The following TXNDC9 variants were observed in gnomAD, a reference collection of about 807,000 sequenced individuals.
TXNDC9 encodes the protein thioredoxin domain containing 9.
A neutral mutation model predicts 23.0 loss-of-function variants in TXNDC9; 7 were observed. The observed-to-expected ratio is 0.30, with a 90% CI of 0.17 to 0.57. The LOEUF is 0.57. Among genes scored for constraint, TXNDC9 ranks in the 20% least tolerant of loss-of-function variants. TXNDC9 has a pLI of 0.90. For synonymous variants in TXNDC9, 72 were observed against 90.6 expected (o/e 0.79, Z 1.17); for missense variants, 198 against 252.6 (o/e 0.78, Z 1.47).
chr2:99,312,890 C>T, the TXNDC9 span, among the ~76,000 whole-genome samples: 2 of 152,230 alleles, frequency 1.3e-5, no homozygotes, highest in South Asian at 2.1e-4. Context: ...AGGCTGGGCA[C>T]GGTGGCTCAT....
chr2:99,310,307 A>T, the TXNDC9 span, among the ~76,000 whole-genome samples: 1 of 152,026 alleles, frequency 6.6e-6, no homozygotes, highest in Non-Finnish European at 1.5e-5. Flanking sequence ...TCAGAGTCTC[A>T]CTCTGTTGTC....
chr2:99,316,117 C>CTTTT (rs57142545), downstream of TXNDC9, among the ~76,000 whole-genome samples: 4 of 135,988 alleles, frequency 2.9e-5, no homozygotes, highest in Non-Finnish European at 3.2e-5. Flanking sequence ...ATTTCTTTTT[C>CTTTT]TTTTTTTTTT....
the TXNDC9 span, among the ~76,000 whole-genome samples, chr2:99,308,591 G>A: frequency 6.6e-6 from 1 of 151,954 alleles, no homozygotes; most frequent in East Asian, 1.9e-4. Flanking sequence ...GTGTGTGTGT[G>A]TGTACGTGTG....
the TXNDC9 span, among the ~76,000 whole-genome samples, chr2:99,313,014 T>C: frequency 1.3e-5 from 2 of 151,816 alleles, no homozygotes; most frequent in African/African-American, 4.8e-5. Flanking sequence ...AACACAAAAT[T>C]AGCCGGGTGT....
At chr2:99,326,486 G>A (rs1284186141) in intron 3 of TXNDC9, among the ~76,000 whole-genome samples, 1 of 152,166 alleles carries the variant, frequency 6.6e-6, no homozygotes, top group Non-Finnish European at 1.5e-5. Context: ...TATGCTATTA[G>A]CAAGTTTTCT....
At chr2:99,329,115 T>C (rs1176821637) in intron 2 of TXNDC9, among the ~76,000 whole-genome samples, 1 of 152,160 alleles carries the variant, frequency 6.6e-6, no homozygotes, top group African/African-American at 2.4e-5. Flanking sequence ...GCTTAAAAAG[T>C]CTCTATACCT....
At chr2:99,328,985 A>C (rs1468218939) in intron 2 of TXNDC9, among the ~76,000 whole-genome samples, 2 of 152,214 alleles carry the variant, frequency 1.3e-5, no homozygotes, top group Non-Finnish European at 2.9e-5. Context: ...TGTCTCAAAA[A>C]TAAATAAAAA....
chr2:99,306,527 GA>G, the TXNDC9 span, among the ~76,000 whole-genome samples: 1 of 151,916 alleles, frequency 6.6e-6, no homozygotes, highest in African/African-American at 2.4e-5. Flanking sequence ...TGTGGTGAGG[GA>G]GGGGGCTCCC....
At chr2:99,316,651 C>T (rs2094189617), downstream of TXNDC9, among the ~76,000 whole-genome samples, 1 of 152,108 alleles carries the variant, frequency 6.6e-6, no homozygotes, top group Non-Finnish European at 1.5e-5. Context: ...TTTGCTGATT[C>T]TTTCTACTGT....
the TXNDC9 span, among the ~76,000 whole-genome samples, chr2:99,310,420 G>C: frequency 6.6e-6 from 1 of 152,006 alleles, no homozygotes; most frequent in Non-Finnish European, 1.5e-5. Context: ...CTGGATCCTT[G>C]GCCTCGCAAA....
chr2:99,320,686 T>A (rs950204349), intron 4 of TXNDC9, among the ~76,000 whole-genome samples: 1 of 152,204 alleles, frequency 6.6e-6, no homozygotes, highest in African/African-American at 2.4e-5. Context: ...AATTGTACTG[T>A]CGCTACGTAA....
At position 99,330,264 on chromosome 2, in the gene TXNDC9, G is replaced by A. The variant is rs372448594; in HGVS notation, c.190-2611C>T. On this transcript the variant is annotated intron_variant, in intron 2 of 4. Coordinates refer to ENST00000264255, the MANE Select transcript of TXNDC9 (RefSeq NM_005783.4). Reference sequence around the variant, plus strand: ...GAGATTGTGCCACTGCACTCCAGCCGGGGCAACAGAGCAAGACTCTTATCT... The same window carrying A: ...GAGATTGTGCCACTGCACTCCAGCCAGGGCAACAGAGCAAGACTCTTATCT... Among the ~76,000 whole-genome samples, 27 of 106,186 alleles carry A rather than the reference G, an allele frequency of 2.5e-4. No individual in the cohort carries two copies. The East Asian group carries it at 5.4e-3, about 21-fold the overall frequency. 69.7% of individuals were successfully genotyped at this position (106,186 alleles called of 152,430 possible).
downstream of TXNDC9, among the ~76,000 whole-genome samples, chr2:99,316,035 A>G (rs2094188135): frequency 6.6e-6 from 1 of 151,994 alleles, no homozygotes; most frequent in Admixed American, 6.6e-5. Flanking sequence ...TTTGCAGATT[A>G]ACTTGGCAGG....
the TXNDC9 span, among the ~76,000 whole-genome samples, chr2:99,313,452 T>C: frequency 1.3e-5 from 2 of 152,154 alleles, no homozygotes; most frequent in African/African-American, 4.8e-5. Context: ...CATTTTAAAT[T>C]GTATCCCTAA....
downstream of TXNDC9, among the ~76,000 whole-genome samples, chr2:99,314,529 C>CTTTTTTTTTTTTTTTTT (rs55729391): frequency 1.0e-5 from 1 of 97,446 alleles, no homozygotes; most frequent in African/African-American, 3.9e-5. Context: ...AATACTACAC[C>CTTTTTTTTTTTTTTTTT]TTTTTTTTTT....
At chr2:99,332,468 T>C (rs1283091348) in intron 2 of TXNDC9, among the ~76,000 whole-genome samples, 1 of 152,108 alleles carries the variant, frequency 6.6e-6, no homozygotes, top group African/African-American at 2.4e-5. Flanking sequence ...AAATTTCAAT[T>C]TACAGAATTT....
chr2:99,331,714 A>G (rs2094226038), intron 2 of TXNDC9, among the ~76,000 whole-genome samples: 1 of 152,192 alleles, frequency 6.6e-6, no homozygotes, highest in Admixed American at 6.5e-5. Flanking sequence ...ATGCTACAGC[A>G]ATACAAACAA....
At chr2:99,307,743 G>A in the TXNDC9 span, among the ~76,000 whole-genome samples, 1 of 136,810 alleles carries the variant, frequency 7.3e-6, no homozygotes, top group African/African-American at 2.8e-5. Flanking sequence ...TTGTGAGCAT[G>A]TGCAAATCGA....
chr2:99,319,898 A>G, intron 4 of TXNDC9, 99 bp from the exon 5 acceptor site: 1 of 750,460 alleles, frequency 1.3e-6, no homozygotes, highest in East Asian at 2.8e-5. Context: ...AACATAGAAT[A>G]AAATTTCTTT....
Sources: allele counts gnomAD v4.1 joint callset (sites outside exome capture counted in the v4.1 genomes callset), GRCh38; gene constraint gnomAD v4.1.1; transcripts MANE v1.5; gene names NCBI Gene and HGNC (gene_info 2026-07-23, HGNC 2026-07-21).